The following PTPRD variants were observed in gnomAD, a reference collection of about 807,000 sequenced individuals.
PTPRD encodes protein tyrosine phosphatase receptor type D.
Under a neutral mutation model 214.5 loss-of-function variants are expected in PTPRD, and 34 were observed. The observed-to-expected ratio is 0.16, with a 90% CI of 0.12 to 0.21. PTPRD has a LOEUF of 0.21. PTPRD is among the 10% of genes least tolerant of loss of function. The pLI, the probability that PTPRD is intolerant of heterozygous loss-of-function variation, is 1.00. For missense variants in PTPRD, 2,545 were observed against 2,398.7 expected, an observed-to-expected ratio of 1.06 and a Z score of -1.27; for synonymous variants, 1,128 against 845.7, an observed-to-expected ratio of 1.33 and a Z score of -5.79.
intron 3 of PTPRD, among the ~76,000 whole-genome samples, chr9:10,206,805 G>T (rs73641884): frequency 6.6e-6 from 1 of 152,154 alleles, no homozygotes; most frequent in South Asian, 2.1e-4. Context: ...ATCATTAGTA[G>T]CTACATAGAT....
At chr9:10,245,184 A>G (rs2091874967) in intron 3 of PTPRD, among the ~76,000 whole-genome samples, 1 of 152,078 alleles carries the variant, frequency 6.6e-6, no homozygotes, top group African/African-American at 2.4e-5. Flanking sequence ...GTAGATTCCA[A>G]CATACCCTGG....
intron 7 of PTPRD, among the ~76,000 whole-genome samples, chr9:9,622,150 A>G (rs113344512): frequency 3.3e-5 from 5 of 152,364 alleles, no homozygotes; most frequent in African/African-American, 1.2e-4. Context: ...GGCAATAAAA[A>G]GGCACTAATG....
At chr9:9,926,551 ACT>A (rs1288745180) in intron 5 of PTPRD, among the ~76,000 whole-genome samples, 5 of 152,172 alleles carry the variant, frequency 3.3e-5, no homozygotes, top group African/African-American at 1.2e-4. Flanking sequence ...AAAAAACCAA[ACT>A]CTATGATTTA....
At chr9:10,211,802 A>G (rs1049458266) in intron 3 of PTPRD, among the ~76,000 whole-genome samples, 2 of 152,100 alleles carry the variant, frequency 1.3e-5, no homozygotes, top group African/African-American at 4.8e-5. Flanking sequence ...TCGGAAGAGT[A>G]AGAAGAAGAG....
In PTPRD at chr9:9,764,655, A is replaced by G. The variant is rs912303523; in HGVS notation, c.-326+2155T>C. 2.6e-5 allele frequency among the ~76,000 whole-genome samples: 4 copies of G among 152,306 alleles called. No homozygotes were observed. In the East Asian group the frequency reaches 7.7e-4, roughly 29 times the overall value. ...TTATTACATAACAGATATAAGAAAC[A>G]CTTTAGGCTAATTGTATCATTTTAA... is the stretch of plus-strand genomic sequence containing the variant. On this transcript the variant is annotated intron_variant, in intron 6 of 45. Transcript: ENST00000381196.
At chr9:9,943,010 A>C (rs2091885861) in intron 4 of PTPRD, among the ~76,000 whole-genome samples, 1 of 151,814 alleles carries the variant, frequency 6.6e-6, no homozygotes, top group Admixed American at 6.6e-5. Flanking sequence ...GCTCCATTGC[A>C]TCTTCCCTGC....
At chr9:9,802,267 G>A (rs149903054) in intron 5 of PTPRD, among the ~76,000 whole-genome samples, 1,695 of 151,998 alleles carry the variant, frequency 0.011, 18 homozygotes, top group Middle Eastern at 0.031. Context: ...TGGGTTGATA[G>A]GAATCCTGTT....
intron 11 of PTPRD, among the ~76,000 whole-genome samples, chr9:8,965,195 T>C (rs1012204177): frequency 6.6e-6 from 1 of 151,944 alleles, no homozygotes; most frequent in Non-Finnish European, 1.5e-5. Flanking sequence ...CTGGCCAACA[T>C]GATGAAACCC....
chr9:9,644,468 T>C (rs1252707437), intron 7 of PTPRD, among the ~76,000 whole-genome samples: 1 of 152,222 alleles, frequency 6.6e-6, no homozygotes, highest in African/African-American at 2.4e-5. Context: ...TGAATAAAGA[T>C]TTCCATGCCA....
chr9:10,125,644 G>A (rs1421366457), intron 3 of PTPRD, among the ~76,000 whole-genome samples: 1 of 150,670 alleles, frequency 6.6e-6, no homozygotes, highest in Non-Finnish European at 1.5e-5. Flanking sequence ...GTGTGTGTGT[G>A]TGTGTGTGTG....
At chr9:8,685,277 T>C (rs1443593500) in intron 12 of PTPRD, among the ~76,000 whole-genome samples, 3 of 151,624 alleles carry the variant, frequency 2.0e-5, no homozygotes, top group Admixed American at 1.3e-4. Flanking sequence ...AAAAGGTACA[T>C]TATATTTGGC....
chr9:8,719,335 C>A (rs947810575), intron 12 of PTPRD, among the ~76,000 whole-genome samples: 1 of 152,228 alleles, frequency 6.6e-6, no homozygotes, highest in African/African-American at 2.4e-5. Context: ...CATTAGACAT[C>A]TATGTTTATC....
intron 3 of PTPRD, among the ~76,000 whole-genome samples, chr9:10,229,672 T>A (rs920998880): frequency 7.0e-6 from 1 of 141,964 alleles, no homozygotes; most frequent in Non-Finnish European, 1.5e-5. Context: ...TGGACATAGA[T>A]TGGGGAACAT....
At chr9:9,234,555 C>A (rs984488573) in intron 9 of PTPRD, among the ~76,000 whole-genome samples, 3 of 152,168 alleles carry the variant, frequency 2.0e-5, no homozygotes, top group African/African-American at 4.8e-5. Flanking sequence ...TATGACATCA[C>A]CCGGCTGCAA....
At chr9:8,785,861 T>C (rs907630768) in intron 11 of PTPRD, among the ~76,000 whole-genome samples, 1 of 152,224 alleles carries the variant, frequency 6.6e-6, no homozygotes, top group African/African-American at 2.4e-5. Flanking sequence ...AAAACTCTCC[T>C]GTAATGTATT....
chr9:8,688,854 C>T (rs1476356987), intron 12 of PTPRD, among the ~76,000 whole-genome samples: 3 of 152,098 alleles, frequency 2.0e-5, no homozygotes, highest in East Asian at 1.9e-4. Flanking sequence ...TGGTTTTATC[C>T]AAATAATCTC....
At chr9:9,064,262 G>A (rs559367548) in intron 10 of PTPRD, among the ~76,000 whole-genome samples, 6 of 152,216 alleles carry the variant, frequency 3.9e-5, no homozygotes, top group Admixed American at 3.3e-4. Flanking sequence ...AAGATACTAT[G>A]TTTAGCAGGA....
In PTPRD at chr9:8,528,791, A is replaced by G. The variant is rs1422594685; in HGVS notation, c.353-12T>C. On this transcript the variant is annotated splice_polypyrimidine_tract_variant and intron_variant, in intron 14 of 45. Coordinates refer to ENST00000381196, the MANE Select transcript of PTPRD (RefSeq NM_002839.4). ...GGGAATTTGATCTTCTGCAAGACAA[A>G]AGGTGATAGAAACATTCAGTTAATA... 1.2e-6 allele frequency: 2 copies of G among 1,611,932 alleles called. No homozygotes were observed. Among genetic ancestry groups the G allele is most frequent in the African/African-American group, 2.7e-5 (2 of 74,826 alleles).
chr9:10,114,205 C>T (rs186341221), intron 3 of PTPRD, among the ~76,000 whole-genome samples: 58 of 152,034 alleles, frequency 3.8e-4, no homozygotes, highest in Middle Eastern at 3.4e-3. Context: ...CACAACCTGG[C>T]GAGAATATTA....
Sources: allele counts gnomAD v4.1 joint callset (sites outside exome capture counted in the v4.1 genomes callset), GRCh38; gene constraint gnomAD v4.1.1; transcripts MANE v1.5; gene names NCBI Gene and HGNC (gene_info 2026-07-23, HGNC 2026-07-21).